TMPO: variants seen among roughly 807,000 people sequenced by gnomAD.
The protein encoded by TMPO is LEM domain containing 4.
A neutral mutation model predicts 45.4 loss-of-function variants in TMPO; 22 were observed. That is an observed-to-expected ratio of 0.48 (90% confidence interval 0.35 to 0.69). TMPO has a LOEUF of 0.69. TMPO is among the 30% of genes least tolerant of loss of function. The pLI is 0.01. For synonymous variants in TMPO, 241 were observed against 204.1 expected, an observed-to-expected ratio of 1.18 and a Z score of -1.54; for missense variants, 512 against 548.8, an observed-to-expected ratio of 0.93 and a Z score of 0.67.
chr12:98,524,704 C>G (rs1424869194), intron 1 of TMPO, among the ~76,000 whole-genome samples: 1 of 152,200 alleles, frequency 6.6e-6, no homozygotes, highest in African/African-American at 2.4e-5. Context: ...AGCAATTCTC[C>G]TGCCTCAGCT....
chr12:98,529,996 T>G (rs1367171149), intron 2 of TMPO, among the ~76,000 whole-genome samples: 1 of 152,232 alleles, frequency 6.6e-6, no homozygotes, highest in Non-Finnish European at 1.5e-5. Context: ...CTTATTCATA[T>G]ACAAGTACCA....
chr12:98,519,000 G>A (rs549652864), intron 1 of TMPO, among the ~76,000 whole-genome samples: 4 of 151,094 alleles, frequency 2.6e-5, no homozygotes, highest in South Asian at 2.1e-4. Context: ...TCCTGCCTCC[G>A]CCTCCCGAGT....
In TMPO at chr12:98,533,586, T is replaced by A. The variant is rs138388686; in HGVS notation, c.565+1748T>A. ...AGTCAGTGGAGGAAAGGGATTCAGG[T>A]TCCTTTGTGGCATTTCAGAACATAC... On this transcript the variant is annotated intron_variant, in intron 3 of 8. Coordinates refer to ENST00000556029, the MANE Select transcript of TMPO (RefSeq NM_001032283.3). 1.6e-4 allele frequency: 257 copies of A among 1,614,192 alleles called. No homozygotes were observed. Among genetic ancestry groups the A allele is most frequent in the Admixed American group, 7.7e-4 (46 of 60,024 alleles).
Position 98,544,464 on chromosome 12 carries a change from G to A in TMPO, c.806G>A (p.Arg269His), listed in dbSNP as rs142891873. 102 of 1,613,682 alleles carry A rather than the reference G, an allele frequency of 6.3e-5. No homozygotes were observed. The highest frequency in any genetic ancestry group is 3.9e-4 in the African/African-American group (29 of 74,866). ...CAGGTGGAAACTTCAGAACATTTTC[G>A]TATAGATGGTCCAGTAATTTCAGAG... ...RKRVETSEHF[R>H]IDGPVISEST... Residue 269 changes from arginine (R) to histidine (H), a missense_variant, in exon 6 of 9, where the codon CGT becomes CAT. By Grantham distance (29) the Arg-to-His change is conservative. Transcript: ENST00000556029.
chr12:98,534,254 A>G (rs1565812327), intron 3 of TMPO: 1 of 1,613,848 alleles, frequency 6.2e-7, no homozygotes, highest in Non-Finnish European at 8.5e-7. Context: ...GCTTCTAAGA[A>G]TAAGCTGGCT....
chr12:98,539,576 C>T (rs972951056), intron 4 of TMPO, among the ~76,000 whole-genome samples: 2 of 150,208 alleles, frequency 1.3e-5, no homozygotes, highest in Non-Finnish European at 2.9e-5. Context: ...TGGGTTCAAG[C>T]AGTTCTCCTG....
intron 1 of TMPO, among the ~76,000 whole-genome samples, chr12:98,524,756 G>A (rs963197769): frequency 2.0e-5 from 3 of 152,014 alleles, no homozygotes; most frequent in African/African-American, 7.2e-5. Context: ...ACCACACCCG[G>A]CTAATTTTTG....
intron 1 of TMPO, among the ~76,000 whole-genome samples, chr12:98,525,040 A>G (rs115399681): frequency 7.2e-5 from 11 of 152,276 alleles, no homozygotes; most frequent in African/African-American, 1.9e-4. Context: ...TCCATGTTTT[A>G]TTTTTATTTT....
In TMPO at chr12:98,533,095, T is replaced by C. The variant is rs1877309895; in HGVS notation, c.565+1257T>C. 2 of 1,614,092 alleles carry C rather than the reference T, an allele frequency of 1.2e-6. No individual in the cohort carries two copies. The highest frequency in any genetic ancestry group is 1.7e-6 in the Non-Finnish European group (2 of 1,179,948). On this transcript the variant is annotated intron_variant, in intron 3 of 8. Coordinates refer to ENST00000556029, the MANE Select transcript of TMPO (RefSeq NM_001032283.3). Reference sequence around the variant, plus strand: ...CTCTGAAAGGAATTTGTTTATTTCATGCAAGTCTAGCCATGATAGGTGTTT... The same window carrying C: ...CTCTGAAAGGAATTTGTTTATTTCACGCAAGTCTAGCCATGATAGGTGTTT...
chr12:98,544,612 A>G, intron 6 of TMPO, 75 bp downstream of exon 6: 1 of 1,206,224 alleles, frequency 8.3e-7, no homozygotes, highest in Non-Finnish European at 1.2e-6. Flanking sequence ...GGAGGTGGTG[A>G]ATTTTGGCAA....
intron 1 of TMPO, among the ~76,000 whole-genome samples, chr12:98,517,378 A>G (rs11109509): frequency 0.56 from 85,717 of 152,052 alleles, 24,499 homozygotes; most frequent in African/African-American, 0.63. Flanking sequence ...CCGAGTTACC[A>G]GGCTTCAAAT....
chr12:98,533,773 T>C lies in TMPO; in HGVS notation c.565+1935T>C, dbSNP rs1375655151. The C allele has an allele frequency of 3.1e-6, 5 of 1,614,250 alleles. No homozygotes were observed. Among genetic ancestry groups the C allele is most frequent in the Admixed American group, 3.3e-5 (2 of 60,028 alleles). On this transcript the variant is annotated intron_variant, in intron 3 of 8. Transcript: ENST00000556029. Reference sequence around the variant, plus strand: ...TATTTTAAAAGTAATTGAAGAAGAATGGCAGCAAGTTGACAGGCAGCTGCC... The same window carrying C: ...TATTTTAAAAGTAATTGAAGAAGAACGGCAGCAAGTTGACAGGCAGCTGCC...
rs1389460818 is a variant in TMPO at position 98,549,258 on chromosome 12, CTT to C, written c.*1401_*1402del. 3.3e-5 allele frequency: 5 copies of C among 152,158 alleles called. No homozygotes were observed. The highest frequency in any genetic ancestry group is 7.3e-5 in the Non-Finnish European group (5 of 68,052). The allele number at this position is 152,158 out of a possible 1,614,324, so 9.4% of individuals were successfully genotyped here. On this transcript the variant is annotated 3_prime_UTR_variant, in exon 9 of 9. Coordinates refer to ENST00000556029, the MANE Select transcript of TMPO (RefSeq NM_001032283.3). ...ATTTTTTATGAGATGGAGTCTCACT[CTT>C]GTCACCCAGACTGTAGTGCAGTGGC...
At chr12:98,541,938 A>G (rs151032968) in intron 4 of TMPO, among the ~76,000 whole-genome samples, 12 of 152,188 alleles carry the variant, frequency 7.9e-5, no homozygotes, top group Admixed American at 2.0e-4. Flanking sequence ...AGATCACTCC[A>G]TATCGGAACG....
intron 7 of TMPO, among the ~76,000 whole-genome samples, chr12:98,545,945 C>G (rs957804996): frequency 1.3e-5 from 2 of 152,146 alleles, no homozygotes; most frequent in African/African-American, 4.8e-5. Context: ...GTTGGTCAGG[C>G]TGGTCTCGAA....
At position 98,515,748 on chromosome 12, in the gene TMPO, C is replaced by T. The variant is rs1321202650; in HGVS notation, c.-120C>T. ...AGTTTTTGTTCCGCTCCGCAGCGCT[C>T]TTCCCGGGCAGGAGCCGTGAGGCTC... is the stretch of plus-strand genomic sequence containing the variant. On this transcript the variant is annotated 5_prime_UTR_variant, in exon 1 of 9. Coordinates refer to ENST00000556029, the MANE Select transcript of TMPO (RefSeq NM_001032283.3). 1.9e-6 allele frequency: 3 copies of T among 1,538,814 alleles called. No individual in the cohort carries two copies. Among genetic ancestry groups the T allele is most frequent in the African/African-American group, 1.4e-5 (1 of 72,546 alleles).
chr12:98,525,708 T>C (rs1247734818), intron 1 of TMPO, among the ~76,000 whole-genome samples: 1 of 143,718 alleles, frequency 7.0e-6, no homozygotes, highest in African/African-American at 2.6e-5. Context: ...GCCACTGCAC[T>C]CCAGCCTGGA....
chr12:98,543,389 A>G (rs1405773322), intron 4 of TMPO, among the ~76,000 whole-genome samples: 2 of 152,254 alleles, frequency 1.3e-5, no homozygotes, highest in South Asian at 2.1e-4. Context: ...CCCTACAGCT[A>G]CAGAATCAGA....
chr12:98,519,499 C>T (rs1314023435), intron 1 of TMPO, among the ~76,000 whole-genome samples: 1 of 152,122 alleles, frequency 6.6e-6, no homozygotes, highest in Non-Finnish European at 1.5e-5. Context: ...GCACCCAGCC[C>T]AGAAGTCATG....
Sources: allele counts gnomAD v4.1 joint callset (sites outside exome capture counted in the v4.1 genomes callset), GRCh38; gene constraint gnomAD v4.1.1; transcripts MANE v1.5; gene names NCBI Gene and HGNC (gene_info 2026-07-23, HGNC 2026-07-21).